Variants in SPIN1 observed in about 807,000 individuals in gnomAD.
The protein encoded by SPIN1 is spindlin-1.
Under a neutral mutation model 26.0 loss-of-function variants are expected in SPIN1, and 3 were observed. The observed-to-expected ratio is 0.12, with a 90% CI of 0.05 to 0.30. SPIN1 has a LOEUF of 0.30. Ranked by LOEUF, SPIN1 falls within the 10% of genes least tolerant of loss-of-function variation. The probability of loss-of-function intolerance (pLI) is 1.00; values close to 1 mark genes in which losing one functional copy is unlikely to be tolerated. For missense variants in SPIN1, 126 were observed against 333.4 expected, an observed-to-expected ratio of 0.38 and a Z score of 4.84; for synonymous variants, 101 against 116.5, an observed-to-expected ratio of 0.87 and a Z score of 0.86.
chr9:88,400,343 G>C (rs1271809922), intron 1 of SPIN1, among the ~76,000 whole-genome samples: 2 of 152,198 alleles, frequency 1.3e-5, no homozygotes, highest in Non-Finnish European at 2.9e-5. Context: ...TATAACAGTG[G>C]AAGGAACATA....
At chr9:88,429,966 T>C (rs1363552150) in intron 2 of SPIN1, among the ~76,000 whole-genome samples, 1 of 152,178 alleles carries the variant, frequency 6.6e-6, no homozygotes, top group Non-Finnish European at 1.5e-5. Context: ...TTCACAGTAT[T>C]ACAGAAGTAT....
intron 1 of SPIN1, among the ~76,000 whole-genome samples, chr9:88,409,987 T>A (rs2117953571): frequency 6.6e-6 from 1 of 152,238 alleles, no homozygotes; most frequent in Admixed American, 6.5e-5. Context: ...TTTTCCGAAT[T>A]TTAGTTCTTT....
In SPIN1 at chr9:88,468,382, A is replaced by G; in HGVS notation, c.366A>G (p.Arg122=). 1 of 1,562,756 alleles carries G rather than the reference A, an allele frequency of 6.4e-7. No individual in the cohort carries two copies. Among genetic ancestry groups the G allele is most frequent in the Non-Finnish European group, 8.6e-7 (1 of 1,158,356 alleles). ...TTTTTTAATCCCCAGCGACATCTCG[A>G]ATCAGCGATGCACACTTGGCAGACA... ...EVLPDRVATS[R]ISDAHLADTM... Residue 122 remains arginine, a synonymous_variant, in exon 5 of 6, where the codon CGA becomes CGG. Coordinates refer to ENST00000375859, the MANE Select transcript of SPIN1 (RefSeq NM_006717.3).
intron 4 of SPIN1, among the ~76,000 whole-genome samples, chr9:88,468,044 G>A (rs6560093): frequency 0.33 from 49,981 of 152,066 alleles, 15,688 homozygotes; most frequent in African/African-American, 0.83. Flanking sequence ...ATAACAAACA[G>A]TATTTTATAC....
In SPIN1 at chr9:88,393,176, T is replaced by A. The variant is rs1320788510; in HGVS notation, c.-159+4638T>A. 2.0e-5 allele frequency among the ~76,000 whole-genome samples: 3 copies of A among 150,948 alleles called. No homozygotes were observed. In the East Asian group the frequency reaches 5.8e-4, roughly 29 times the overall value. Reference sequence around the variant, plus strand: ...TGAAGGGAGGGGAGGAGGAAGAATTTACTCAATGTAAATATTATTTTATCC... The same window carrying A: ...TGAAGGGAGGGGAGGAGGAAGAATTAACTCAATGTAAATATTATTTTATCC... On this transcript the variant is annotated intron_variant, in intron 1 of 5. Coordinates refer to ENST00000375859, the MANE Select transcript of SPIN1 (RefSeq NM_006717.3).
At chr9:88,395,169 TGA>T (rs1827027582) in intron 1 of SPIN1, among the ~76,000 whole-genome samples, 1 of 152,120 alleles carries the variant, frequency 6.6e-6, no homozygotes, top group African/African-American at 2.4e-5. Context: ...TTAAAAAATC[TGA>T]TCTGTGTTAA....
chr9:88,406,529 T>A (rs536424548), intron 1 of SPIN1, among the ~76,000 whole-genome samples: 1 of 152,192 alleles, frequency 6.6e-6, no homozygotes, highest in African/African-American at 2.4e-5. Flanking sequence ...TCTGACCTTG[T>A]AATCCATCCA....
chr9:88,429,588 C>G (rs1012161657), intron 2 of SPIN1, among the ~76,000 whole-genome samples: 1 of 152,140 alleles, frequency 6.6e-6, no homozygotes, highest in Non-Finnish European at 1.5e-5. Context: ...ATGCATAGGG[C>G]AAGGCATGCA....
intron 2 of SPIN1, among the ~76,000 whole-genome samples, chr9:88,438,378 A>G (rs1828051677): frequency 6.6e-6 from 1 of 152,028 alleles, no homozygotes; most frequent in African/African-American, 2.4e-5. Context: ...TCTGTTACTG[A>G]TTTCTAGTTT....
At chr9:88,396,976 T>C (rs1362809420) in intron 1 of SPIN1, among the ~76,000 whole-genome samples, 1 of 152,034 alleles carries the variant, frequency 6.6e-6, no homozygotes, top group Non-Finnish European at 1.5e-5. Context: ...ATGGCATGCC[T>C]GTGTAGGGCA....
intron 1 of SPIN1, among the ~76,000 whole-genome samples, chr9:88,407,353 C>G (rs1027252385): frequency 1.3e-5 from 2 of 151,836 alleles, no homozygotes; most frequent in Non-Finnish European, 2.9e-5. Context: ...CCATATTGCC[C>G]AGGCTGGTCT....
Position 88,475,002 on chromosome 9 carries a change from G to A in SPIN1, c.590-76G>A, listed in dbSNP as rs533103793. On this transcript the variant is annotated intron_variant, in intron 5 of 5. Transcript: ENST00000375859. ...TTAAGTTATGAAAATAAATATGTGA[G>A]TTGATTTATATCTAAAAATTGACTT... is the stretch of plus-strand genomic sequence containing the variant. 7.5e-6 allele frequency: 10 copies of A among 1,328,234 alleles called. No individual in the cohort carries two copies. In the African/African-American group the frequency reaches 1.4e-4, roughly 18 times the overall value. 82.3% of individuals were successfully genotyped at this position (1,328,234 alleles called of 1,614,324 possible).
intron 1 of SPIN1, among the ~76,000 whole-genome samples, chr9:88,413,409 A>G (rs977660039): frequency 1.3e-5 from 2 of 150,432 alleles, no homozygotes; most frequent in African/African-American, 4.9e-5. Flanking sequence ...TTTTTAAGGC[A>G]GTCTCCCTGT....
chr9:88,462,406 TA>T (rs2118190512), intron 3 of SPIN1, 89 bp from the exon 4 acceptor site: 1 of 1,521,172 alleles, frequency 6.6e-7, no homozygotes, highest in South Asian at 1.3e-5. Flanking sequence ...GGACCATCTG[TA>T]ATGAGATCAT....
intron 1 of SPIN1, among the ~76,000 whole-genome samples, chr9:88,398,506 CTGGT>C (rs2117890137): frequency 6.6e-6 from 1 of 152,090 alleles, no homozygotes; most frequent in South Asian, 2.1e-4. Context: ...TTGAGGGTGT[CTGGT>C]TGGTTAAATG....
intron 1 of SPIN1, among the ~76,000 whole-genome samples, chr9:88,407,889 C>T (rs1387696778): frequency 2.0e-5 from 3 of 151,528 alleles, no homozygotes; most frequent in Admixed American, 2.0e-4. Context: ...GCCTCTTGAG[C>T]AGTTGAGACC....
At chr9:88,428,555 T>G (rs1258444482) in intron 2 of SPIN1, among the ~76,000 whole-genome samples, 1 of 152,222 alleles carries the variant, frequency 6.6e-6, no homozygotes, top group Non-Finnish European at 1.5e-5. Flanking sequence ...TCTTTATCGA[T>G]TTTGAAATCA....
At chr9:88,406,515 A>G (rs1293002769) in intron 1 of SPIN1, among the ~76,000 whole-genome samples, 1 of 151,904 alleles carries the variant, frequency 6.6e-6, no homozygotes, top group Non-Finnish European at 1.5e-5. Context: ...CATGGTCTCC[A>G]TCTTCTGACC....
chr9:88,424,604 T>A (rs533852846), intron 1 of SPIN1, among the ~76,000 whole-genome samples: 3 of 152,340 alleles, frequency 2.0e-5, no homozygotes, highest in Admixed American at 6.5e-5. Context: ...AAGCTGTACA[T>A]TGATACTGGT....
Sources: gnomAD v4.1 joint callset for allele counts (sites outside exome capture counted in the v4.1 genomes callset) on GRCh38, gnomAD v4.1.1 for gene constraint, MANE v1.5 for transcripts, NCBI Gene and HGNC (gene_info 2026-07-23, HGNC 2026-07-21) for gene names.